WWC2: variants seen among roughly 807,000 people sequenced by gnomAD.
WWC2 encodes protein WWC2.
A neutral mutation model predicts 138.5 loss-of-function variants in WWC2; 101 were observed. That is an observed-to-expected ratio of 0.73 (90% CI 0.62 to 0.86). The LOEUF is 0.86. Among genes scored for constraint, WWC2 ranks in the 40% least tolerant of loss-of-function variants. The pLI, the probability that WWC2 is intolerant of heterozygous loss-of-function variation, is 0.00. For synonymous variants in WWC2, 558 were observed against 538.4 expected (o/e 1.04, Z -0.50); for missense variants, 1,420 against 1,419.4 (o/e 1.00, Z -0.01).
At chr4:183,291,110 A>G (rs1375941255) in intron 21 of WWC2, among the ~76,000 whole-genome samples, 2 of 152,232 alleles carry the variant, frequency 1.3e-5, no homozygotes, top group Admixed American at 6.5e-5. Context: ...ACAGCAGTGA[A>G]TACAGGATAA....
At chr4:183,137,075 C>G (rs1423784381) in intron 1 of WWC2, among the ~76,000 whole-genome samples, 1 of 152,124 alleles carries the variant, frequency 6.6e-6, no homozygotes, top group Non-Finnish European at 1.5e-5. Flanking sequence ...TGCAGGACTT[C>G]CAGGAAGTTG....
chr4:183,099,285 A>C lies in WWC2; in HGVS notation c.-207A>C. The C allele has an allele frequency of 3.3e-6, 1 of 303,968 alleles. No homozygotes were observed. Among genetic ancestry groups the C allele is most frequent in the Non-Finnish European group, 5.4e-6 (1 of 183,828 alleles). The allele number at this position is 303,968 out of a possible 1,614,324, so 18.8% of individuals were successfully genotyped here. The stretch of plus-strand genomic sequence containing the variant: ...TTCGCTCGCCGGCTCCGACGCAGAC[A>C]TGGTGGACTGATCCGCAGCGGGGCC... On this transcript the variant is annotated 5_prime_UTR_variant, in exon 1 of 23. It removes an upstream start codon present in the reference 5' UTR. Coordinates refer to ENST00000403733, the MANE Select transcript of WWC2 (RefSeq NM_024949.6).
intron 1 of WWC2, among the ~76,000 whole-genome samples, chr4:183,121,962 T>A (rs1732613504): frequency 6.6e-6 from 1 of 152,058 alleles, no homozygotes; most frequent in Non-Finnish European, 1.5e-5. Context: ...ATTTTTTGTA[T>A]TTTTAGTAGA....
intron 11 of WWC2, among the ~76,000 whole-genome samples, chr4:183,262,782 G>A (rs1737371692): frequency 6.6e-6 from 1 of 152,012 alleles, no homozygotes; most frequent in Non-Finnish European, 1.5e-5. Context: ...GTGTGTGCGT[G>A]CGTGCGTGCG....
intron 1 of WWC2, among the ~76,000 whole-genome samples, chr4:183,109,208 C>G (rs569098503): frequency 6.6e-6 from 1 of 152,004 alleles, no homozygotes; most frequent in African/African-American, 2.4e-5. Flanking sequence ...AACAAACAAA[C>G]AAAAATAAAG....
In WWC2 at chr4:183,279,008, A is replaced by G. The variant is rs561487789; in HGVS notation, c.2563-1768A>G. Among the ~76,000 whole-genome samples, 534 of 151,876 alleles carry G rather than the reference A, an allele frequency of 3.5e-3. 3 individuals carry two copies. Among genetic ancestry groups the G allele is most frequent in the African/African-American group, 0.013 (516 of 41,278 alleles). On this transcript the variant is annotated intron_variant, in intron 16 of 22. Coordinates refer to ENST00000403733, the MANE Select transcript of WWC2 (RefSeq NM_024949.6). ...CTAATTGCCCTGGCCAGAACTTCCA[A>G]CACTGTGTTGAATAGGAGTGGTGAG...
chr4:183,106,921 T>G (rs1440575487), intron 1 of WWC2, among the ~76,000 whole-genome samples: 1 of 152,174 alleles, frequency 6.6e-6, no homozygotes, highest in Non-Finnish European at 1.5e-5. Flanking sequence ...GTGTCTTCAG[T>G]TCTCTTCAGT....
At chr4:183,231,258 CTTTTTTTTT>C (rs1192297768) in intron 4 of WWC2, among the ~76,000 whole-genome samples, 2 of 75,314 alleles carry the variant, frequency 2.7e-5, no homozygotes, top group Non-Finnish European at 5.1e-5. Context: ...ACAGTGAAAG[CTTTTTTTTT>C]TTTTTTTTTT....
chr4:183,288,059 C>A (rs1019059022), intron 20 of WWC2, among the ~76,000 whole-genome samples: 1 of 152,160 alleles, frequency 6.6e-6, no homozygotes, highest in South Asian at 2.1e-4. Flanking sequence ...GTAAGTAATA[C>A]AGTCAAAGAT....
At chr4:183,113,124 T>G (rs1461606107) in intron 1 of WWC2, among the ~76,000 whole-genome samples, 1 of 151,810 alleles carries the variant, frequency 6.6e-6, no homozygotes. Context: ...AATACAAAAA[T>G]TAGCCAGGCG....
intron 1 of WWC2, among the ~76,000 whole-genome samples, chr4:183,135,334 A>G (rs185156864): frequency 6.6e-6 from 1 of 151,378 alleles, no homozygotes; most frequent in East Asian, 1.9e-4. Context: ...TTTTCTTCCT[A>G]TTTAGTTGAT....
chr4:183,192,170 A>G (rs1430893264), intron 1 of WWC2, among the ~76,000 whole-genome samples: 2 of 152,236 alleles, frequency 1.3e-5, no homozygotes, highest in East Asian at 3.8e-4. Flanking sequence ...TGTGTTAATA[A>G]TCACTGACAT....
chr4:183,267,889 A>G (rs1560876711), intron 14 of WWC2, among the ~76,000 whole-genome samples: 1 of 152,188 alleles, frequency 6.6e-6, no homozygotes, highest in Non-Finnish European at 1.5e-5. Flanking sequence ...AGTATGAAAT[A>G]TTCTTAAAAT....
chr4:183,137,646 G>A (rs1448504846), intron 1 of WWC2, among the ~76,000 whole-genome samples: 1 of 151,936 alleles, frequency 6.6e-6, no homozygotes, highest in Non-Finnish European at 1.5e-5. Flanking sequence ...CTGTAGATGC[G>A]CACCACCATA....
At chr4:183,147,401 T>G (rs1228874501) in intron 1 of WWC2, among the ~76,000 whole-genome samples, 1 of 152,214 alleles carries the variant, frequency 6.6e-6, no homozygotes, top group Non-Finnish European at 1.5e-5. Context: ...ACTCTTAGAT[T>G]ATTTTCTCTA....
At chr4:183,130,295 A>G (rs1579967545) in intron 1 of WWC2, among the ~76,000 whole-genome samples, 1 of 152,004 alleles carries the variant, frequency 6.6e-6, no homozygotes, top group Non-Finnish European at 1.5e-5. Context: ...CTCATGATCT[A>G]CCTGCCTCGG....
chr4:183,100,085 C>G (rs1302571720), intron 1 of WWC2, among the ~76,000 whole-genome samples: 1 of 152,238 alleles, frequency 6.6e-6, no homozygotes, highest in African/African-American at 2.4e-5. Flanking sequence ...GGGCTGCGAG[C>G]TCTTGGCGGG....
Position 183,256,388 on chromosome 4 carries a change from G to A in WWC2, c.1196+2389G>A, listed in dbSNP as rs565674655. On this transcript the variant is annotated intron_variant, in intron 9 of 22. Coordinates refer to ENST00000403733, the MANE Select transcript of WWC2 (RefSeq NM_024949.6). ...TTCTTTCCCAAGTAGATACAACCTC[G>A]TCTGGCTTTGGGTTTTGCTGTTGCT... is the stretch of plus-strand genomic sequence containing the variant. Among the ~76,000 whole-genome samples the A allele has an allele frequency of 3.3e-5, 5 of 152,256 alleles. No individual in the cohort carries two copies. The South Asian group carries it at 8.3e-4, about 25-fold the overall frequency.
At chr4:183,302,716 A>G (rs562655515) in intron 21 of WWC2, among the ~76,000 whole-genome samples, 3 of 152,140 alleles carry the variant, frequency 2.0e-5, no homozygotes, top group East Asian at 1.9e-4. Flanking sequence ...GCCAACTCAC[A>G]TATTTGTAAG....
Sources: gnomAD v4.1 joint callset for allele counts (sites outside exome capture counted in the v4.1 genomes callset) on GRCh38, gnomAD v4.1.1 for gene constraint, MANE v1.5 for transcripts, NCBI Gene and HGNC (gene_info 2026-07-23, HGNC 2026-07-21) for gene names.